The following MYO16 variants were observed in gnomAD, a reference collection of about 807,000 sequenced individuals.
MYO16 encodes unconventional myosin-XVI.
In MYO16, 94 loss-of-function variants were observed where a neutral mutation model predicts 205.3. That is an observed-to-expected ratio of 0.46 (90% CI 0.39 to 0.54). The LOEUF (loss-of-function observed/expected upper bound fraction) is 0.54, where lower values mean the gene tolerates loss of function less well. Ranked by LOEUF, MYO16 falls within the 20% of genes least tolerant of loss-of-function variation. The pLI is 0.00. For missense variants in MYO16, 2,315 were observed against 2,387.5 expected (o/e 0.97, Z 0.63); for synonymous variants, 988 against 954.0 (o/e 1.04, Z -0.66).
intron 23 of MYO16, among the ~76,000 whole-genome samples, chr13:109,023,133 TTATG>T (rs1319615705): frequency 1.5e-5 from 2 of 131,298 alleles, no homozygotes; most frequent in Non-Finnish European, 3.1e-5. Context: ...ATATATAAAT[TTATG>T]TATATGTTTA....
chr13:108,695,402 T>C (rs892447069), intron 2 of MYO16, among the ~76,000 whole-genome samples: 1 of 152,202 alleles, frequency 6.6e-6, no homozygotes, highest in South Asian at 2.1e-4. Context: ...TCTATTTCAG[T>C]ACCACACTGT....
chr13:108,715,199 G>C (rs148825433), intron 3 of MYO16, among the ~76,000 whole-genome samples: 1 of 152,252 alleles, frequency 6.6e-6, no homozygotes, highest in African/African-American at 2.4e-5. Flanking sequence ...GCGCTGGCCC[G>C]TGCTCCTGCT....
intron 28 of MYO16, among the ~76,000 whole-genome samples, chr13:109,109,593 G>A (rs796563666): frequency 1.6e-4 from 24 of 150,338 alleles, no homozygotes; most frequent in African/African-American, 5.5e-4. Context: ...GAAGGGAGGG[G>A]AGAGGACCTC....
intron 22 of MYO16, among the ~76,000 whole-genome samples, chr13:109,012,038 A>G (rs1014018282): frequency 1.3e-5 from 2 of 152,142 alleles, no homozygotes; most frequent in African/African-American, 4.8e-5. Context: ...CTACACATTT[A>G]AAAGCACAGT....
intron 10 of MYO16, among the ~76,000 whole-genome samples, chr13:108,846,131 A>G (rs956795299): frequency 1.3e-5 from 2 of 152,160 alleles, no homozygotes; most frequent in Non-Finnish European, 1.5e-5. Flanking sequence ...ATGATTTAAT[A>G]CTATCCTGTA....
At position 108,725,364 on chromosome 13, in the gene MYO16, G is replaced by A. The variant is rs144483493; in HGVS notation, c.364-2076G>A. 1.8e-3 allele frequency among the ~76,000 whole-genome samples: 268 copies of A among 152,198 alleles called. 2 individuals are homozygous for A. Among genetic ancestry groups the A allele is most frequent in the African/African-American group, 6.1e-3 (252 of 41,544 alleles). On this transcript the variant is annotated intron_variant, in intron 3 of 34. Coordinates refer to ENST00000457511, the MANE Select transcript of MYO16 (RefSeq NM_001198950.3). ...ATTTTTTTGGTGGATTCTAGACAGAGTAAATTTTGCCTTGTTGGGTATTCA... is the reference window on the plus strand; with the variant it reads ...ATTTTTTTGGTGGATTCTAGACAGAATAAATTTTGCCTTGTTGGGTATTCA...
At chr13:108,626,615 C>T (rs1879746001), upstream of MYO16, among the ~76,000 whole-genome samples, 1 of 151,920 alleles carries the variant, frequency 6.6e-6, no homozygotes, top group Non-Finnish European at 1.5e-5. Context: ...ACCAGCCTGA[C>T]TAACATGGTG....
At position 109,121,035 on chromosome 13, in the gene MYO16, C is replaced by T. The variant is rs1276089135; in HGVS notation, c.3535+569C>T. The stretch of plus-strand genomic sequence containing the variant: ...CTGCACAGCAACCTGGGTGCCAGAG[C>T]GAGATCCCACCTCTAAAAGAAAAAA... On this transcript the variant is annotated intron_variant, in intron 29 of 34. Coordinates refer to ENST00000457511, the MANE Select transcript of MYO16 (RefSeq NM_001198950.3). Among the ~76,000 whole-genome samples, 6 of 151,958 alleles carry T rather than the reference C, an allele frequency of 3.9e-5. No individual in the cohort carries two copies. The South Asian group carries it at 6.2e-4, about 16-fold the overall frequency.
chr13:108,545,814 A>T, the MYO16 span, among the ~76,000 whole-genome samples: 1 of 152,182 alleles, frequency 6.6e-6, no homozygotes, highest in Non-Finnish European at 1.5e-5. Flanking sequence ...AGACCTTGGC[A>T]TGTTGGAGTC....
At chr13:108,793,127 C>CA (rs970350212) in intron 5 of MYO16, among the ~76,000 whole-genome samples, 69 of 150,402 alleles carry the variant, frequency 4.6e-4, no homozygotes, top group East Asian at 1.4e-3. Flanking sequence ...ACTAAAAATA[C>CA]AAAAAAAAAT....
intron 1 of MYO16, among the ~76,000 whole-genome samples, chr13:108,600,939 C>T (rs566787401): frequency 2.6e-5 from 4 of 151,854 alleles, no homozygotes; most frequent in South Asian, 2.1e-4. Context: ...TGCCACTTAT[C>T]CTCATGAAGA....
At chr13:109,034,561 C>T (rs1386177044) in intron 23 of MYO16, among the ~76,000 whole-genome samples, 1 of 152,144 alleles carries the variant, frequency 6.6e-6, no homozygotes, top group Non-Finnish European at 1.5e-5. Context: ...AAGCCTCTTT[C>T]CTTTATAAAT....
At chr13:109,018,962 G>GTTT (rs766574271) in intron 22 of MYO16, among the ~76,000 whole-genome samples, 148 of 141,032 alleles carry the variant, frequency 1.0e-3, no homozygotes, top group African/African-American at 3.4e-3. Context: ...GACATACTCT[G>GTTT]TTTTTTTTTT....
intron 12 of MYO16, among the ~76,000 whole-genome samples, chr13:108,869,603 C>T (rs1166554023): frequency 2.5e-4 from 37 of 149,824 alleles, no homozygotes; most frequent in East Asian, 1.6e-3. Context: ...TCGTGGCGGG[C>T]GTCTGTAGTC....
At chr13:108,976,668 A>C (rs1334330188) in intron 20 of MYO16, among the ~76,000 whole-genome samples, 1 of 152,202 alleles carries the variant, frequency 6.6e-6, no homozygotes, top group East Asian at 1.9e-4. Flanking sequence ...AAATGAATTT[A>C]TGTTTATAAT....
intron 27 of MYO16, among the ~76,000 whole-genome samples, chr13:109,059,285 T>C (rs570913905): frequency 6.6e-6 from 1 of 152,306 alleles, no homozygotes; most frequent in South Asian, 2.1e-4. Flanking sequence ...GAAAAATCAC[T>C]ACCTGTGGCA....
intron 33 of MYO16, among the ~76,000 whole-genome samples, chr13:109,179,202 C>T (rs1028430434): frequency 3.9e-5 from 6 of 152,264 alleles, no homozygotes; most frequent in South Asian, 2.1e-4. Flanking sequence ...TCAGTGGGCC[C>T]GTCACTGACC....
At chr13:108,912,121 T>C (rs1172498912) in intron 16 of MYO16, among the ~76,000 whole-genome samples, 1 of 152,164 alleles carries the variant, frequency 6.6e-6, no homozygotes, top group Non-Finnish European at 1.5e-5. Context: ...GCTGAACTCC[T>C]AGAACTGCTT....
intron 21 of MYO16, among the ~76,000 whole-genome samples, chr13:109,004,789 T>G (rs899049680): frequency 2.0e-5 from 3 of 152,182 alleles, no homozygotes; most frequent in Admixed American, 2.0e-4. Context: ...CATATGATAT[T>G]TAGATACTGA....
Sources: gnomAD v4.1 joint callset for allele counts (sites outside exome capture counted in the v4.1 genomes callset) on GRCh38, gnomAD v4.1.1 for gene constraint, MANE v1.5 for transcripts, NCBI Gene and HGNC (gene_info 2026-07-23, HGNC 2026-07-21) for gene names.